FBXL20: variants seen among roughly 807,000 people sequenced by gnomAD.
FBXL20 encodes F-box/LRR-repeat protein 20.
Under a neutral mutation model 64.0 loss-of-function variants are expected in FBXL20, and 11 were observed. The observed-to-expected ratio is 0.17, with a 90% CI of 0.11 to 0.28. The LOEUF (loss-of-function observed/expected upper bound fraction) is 0.28, where lower values mean the gene tolerates loss of function less well. Among genes scored for constraint, FBXL20 ranks in the 10% least tolerant of loss-of-function variants. FBXL20 has a pLI of 1.00. For synonymous variants in FBXL20, 184 were observed against 189.0 expected (o/e 0.97, Z 0.22); for missense variants, 303 against 526.2 (o/e 0.58, Z 4.15).
intron 1 of FBXL20, among the ~76,000 whole-genome samples, chr17:39,371,185 T>G (rs185870867): frequency 5.3e-5 from 8 of 152,220 alleles, no homozygotes; most frequent in Admixed American, 5.2e-4. Flanking sequence ...GCCTGGGCAA[T>G]GAGGGCGAAA....
intron 6 of FBXL20, among the ~76,000 whole-genome samples, chr17:39,289,075 G>T (rs184989568): frequency 3.1e-4 from 47 of 152,156 alleles, no homozygotes; most frequent in Non-Finnish European, 5.9e-4. Flanking sequence ...CTATGTGTGG[G>T]CTCCTTTCTA....
chr17:39,282,699 G>C, intron 8 of FBXL20, 30 bp downstream of exon 8: 1 of 1,613,706 alleles, frequency 6.2e-7, no homozygotes, highest in Non-Finnish European at 8.5e-7. Flanking sequence ...CGATTCTTCC[G>C]AATTTCACGA....
intron 1 of FBXL20, among the ~76,000 whole-genome samples, 165 bp downstream of exon 1, chr17:39,401,196 G>A (rs574068907): frequency 1.3e-5 from 2 of 152,342 alleles, no homozygotes; most frequent in African/African-American, 4.8e-5. Flanking sequence ...GCACCGGGCT[G>A]CGCTGGGCTT....
rs1018647150 is a variant in FBXL20 at position 39,288,006 on chromosome 17, C to T, written c.399-2433G>A. Among the ~76,000 whole-genome samples the T allele has an allele frequency of 1.9e-4, 29 of 150,282 alleles. 1 individual carries two copies. Among genetic ancestry groups the T allele is most frequent in the South Asian group, 1.3e-3 (6 of 4,724 alleles). On this transcript the variant is annotated intron_variant, in intron 6 of 14. Transcript: ENST00000264658. ...TTTTTTTGAGATGGACTCTGTCACC[C>T]GGGCTGGAGTGCAGTGGCATGATCT...
intron 1 of FBXL20, among the ~76,000 whole-genome samples, chr17:39,399,058 T>G (rs909512416): frequency 1.3e-5 from 2 of 152,200 alleles, no homozygotes; most frequent in Non-Finnish European, 2.9e-5. Flanking sequence ...AGTTACAACA[T>G]ATAAAAGCAT....
chr17:39,331,665 A>G (rs991148137), intron 2 of FBXL20, among the ~76,000 whole-genome samples: 2 of 152,192 alleles, frequency 1.3e-5, no homozygotes, highest in African/African-American at 4.8e-5. Flanking sequence ...CACTGTAGGC[A>G]CTCAACAAAT....
chr17:39,281,531 T>A (rs1304082566), intron 8 of FBXL20, 68 bp from the exon 9 acceptor site: 2 of 1,354,600 alleles, frequency 1.5e-6, no homozygotes, highest in Non-Finnish European at 2.1e-6. Flanking sequence ...GATTTAAGAA[T>A]GTACACATTC....
chr17:39,266,867 T>C (rs2046796466), intron 12 of FBXL20, among the ~76,000 whole-genome samples: 1 of 152,200 alleles, frequency 6.6e-6, no homozygotes, highest in Non-Finnish European at 1.5e-5. Flanking sequence ...ATCTGTCCCC[T>C]TGGTAGCTAG....
chr17:39,306,078 T>G (rs1015203879), intron 2 of FBXL20, among the ~76,000 whole-genome samples: 3 of 151,508 alleles, frequency 2.0e-5, no homozygotes, highest in Non-Finnish European at 4.4e-5. Flanking sequence ...TGTAGGAGGA[T>G]CTATTGTGTT....
intron 6 of FBXL20, among the ~76,000 whole-genome samples, chr17:39,285,798 G>A (rs1013804008): frequency 2.6e-5 from 4 of 152,142 alleles, no homozygotes; most frequent in African/African-American, 7.2e-5. Flanking sequence ...TTGAATGAGG[G>A]GAAGATGGTG....
intron 2 of FBXL20, among the ~76,000 whole-genome samples, chr17:39,304,165 G>A (rs1438963779): frequency 6.6e-6 from 1 of 151,864 alleles, no homozygotes; most frequent in South Asian, 2.1e-4. Context: ...TACAGATGCT[G>A]ACCAAGTTCA....
chr17:39,400,699 C>G (rs2048232835), intron 1 of FBXL20, among the ~76,000 whole-genome samples: 1 of 152,192 alleles, frequency 6.6e-6, no homozygotes, highest in Non-Finnish European at 1.5e-5. Flanking sequence ...GAAAAAGTTC[C>G]TGAAAGACAG....
chr17:39,376,491 T>C (rs190554167), intron 1 of FBXL20, among the ~76,000 whole-genome samples: 68 of 152,290 alleles, frequency 4.5e-4, no homozygotes, highest in Admixed American at 7.9e-4. Context: ...TGCCCAGCAT[T>C]GTGCACATAC....
At chr17:39,301,865 G>A (rs1315947338) in intron 3 of FBXL20, among the ~76,000 whole-genome samples, 2 of 152,072 alleles carry the variant, frequency 1.3e-5, no homozygotes, top group South Asian at 2.1e-4. Context: ...ACTCCAGCCT[G>A]GGTGACACAG....
intron 1 of FBXL20, among the ~76,000 whole-genome samples, chr17:39,366,691 T>C (rs1455034464): frequency 1.3e-5 from 2 of 152,236 alleles, no homozygotes; most frequent in African/African-American, 2.4e-5. Flanking sequence ...ACTGAAGATA[T>C]CTGAAGACAC....
At chr17:39,273,423 A>G (rs2046864064) in intron 10 of FBXL20, among the ~76,000 whole-genome samples, 1 of 152,232 alleles carries the variant, frequency 6.6e-6, no homozygotes, top group Admixed American at 6.5e-5. Context: ...AAGTGGCTTC[A>G]TAGGCTCAGG....
intron 2 of FBXL20, among the ~76,000 whole-genome samples, chr17:39,309,545 G>A (rs911742103): frequency 2.0e-5 from 3 of 151,658 alleles, no homozygotes; most frequent in East Asian, 1.9e-4. Flanking sequence ...TTGCTCTGTT[G>A]CCCAGGCTGG....
intron 1 of FBXL20, among the ~76,000 whole-genome samples, chr17:39,386,775 C>T (rs1342634769): frequency 6.6e-6 from 1 of 152,142 alleles, no homozygotes; most frequent in African/African-American, 2.4e-5. Flanking sequence ...ACTTCTAATT[C>T]CACAAAAGAA....
chr17:39,312,347 G>A (rs1434320671), intron 2 of FBXL20, among the ~76,000 whole-genome samples: 1 of 151,256 alleles, frequency 6.6e-6, no homozygotes, highest in Non-Finnish European at 1.5e-5. Flanking sequence ...CCAGGTGATG[G>A]AGGTTGCAGT....
Sources: gnomAD v4.1 joint callset for allele counts (sites outside exome capture counted in the v4.1 genomes callset) on GRCh38, gnomAD v4.1.1 for gene constraint, MANE v1.5 for transcripts, NCBI Gene and HGNC (gene_info 2026-07-23, HGNC 2026-07-21) for gene names.